Variants in AGA observed in about 807,000 individuals in gnomAD.
AGA encodes the protein aspartylglucosaminidase.
Under a neutral mutation model 40.1 loss-of-function variants are expected in AGA, and 31 were observed. That is an observed-to-expected ratio of 0.77 (90% CI 0.58 to 1.04). The LOEUF is 1.04. AGA is among the 50% of genes least tolerant of loss of function. The pLI is 0.00. For missense variants in AGA, 445 were observed against 435.4 expected (o/e 1.02, Z -0.20); for synonymous variants, 148 against 144.0 (o/e 1.03, Z -0.20).
At chr4:177,436,397 C>G in intron 5 of AGA, 46 bp from the exon 6 acceptor site, 1 of 1,503,544 alleles carries the variant, frequency 6.7e-7, no homozygotes, top group Non-Finnish European at 9.2e-7. Flanking sequence ...TAAAGTTTAC[C>G]TCAAATATAA....
rs963028000 is a variant in AGA, at chr4:177,431,289, G to A, written c.*419C>T. 6 of 444,814 alleles carry A rather than the reference G, an allele frequency of 1.3e-5. No individual in the cohort carries two copies. Among genetic ancestry groups the A allele is most frequent in the Non-Finnish European group, 2.7e-5 (6 of 224,578 alleles). The allele number at this position is 444,814 out of a possible 1,614,324, so 27.6% of individuals were successfully genotyped here. A position where few individuals can be genotyped will look rare whatever the true frequency, so the allele number is the denominator to read the frequency against. ...ACTGTGACATAATGAAATTCAATCA[G>A]GACTGATCATGCTGAGACTCTGCTG... On this transcript the variant is annotated 3_prime_UTR_variant, in exon 9 of 9. Transcript: ENST00000264595.
At chr4:177,435,048 G>A (rs370126798) in intron 6 of AGA, among the ~76,000 whole-genome samples, 22 of 151,114 alleles carry the variant, frequency 1.5e-4, no homozygotes, top group Middle Eastern at 3.4e-3. Context: ...CTACAGACAC[G>A]AACCACCAAG....
At chr4:177,441,323 C>T (rs1737002354) in intron 1 of AGA, among the ~76,000 whole-genome samples, 1 of 152,160 alleles carries the variant, frequency 6.6e-6, no homozygotes, top group African/African-American at 2.4e-5. Context: ...TTCTCTGAAT[C>T]GTATGCACTG....
intron 1 of AGA, among the ~76,000 whole-genome samples, chr4:177,441,221 T>TA (rs1352943729): frequency 6.6e-6 from 1 of 152,160 alleles, no homozygotes; most frequent in Non-Finnish European, 1.5e-5. Flanking sequence ...ACAGGCAACT[T>TA]AAACACAGAA....
chr4:177,437,575 A>G lies in AGA; in HGVS notation c.508-56T>C, dbSNP rs911123063. ...CAAAGGGTATTTTTAGAAATTGCCAAGAAATTATGTACAATCGCTAAACAC... is the reference window on the plus strand; with the variant it reads ...CAAAGGGTATTTTTAGAAATTGCCAGGAAATTATGTACAATCGCTAAACAC... On this transcript the variant is annotated intron_variant, in intron 4 of 8. Transcript: ENST00000264595. 1.0e-5 allele frequency: 13 copies of G among 1,244,780 alleles called. No individual in the cohort carries two copies. In the East Asian group the frequency reaches 2.6e-4, roughly 25 times the overall value. 77.1% of individuals were successfully genotyped at this position (1,244,780 alleles called of 1,614,324 possible).
intron 6 of AGA, among the ~76,000 whole-genome samples, chr4:177,434,788 G>C (rs184511644): frequency 2.6e-5 from 4 of 152,088 alleles, no homozygotes; most frequent in African/African-American, 9.7e-5. Context: ...GGCGAGATGC[G>C]GGTCAAAGGA....
chr4:177,437,366 T>C, intron 5 of AGA, 39 bp downstream of exon 5: 1 of 1,389,636 alleles, frequency 7.2e-7, no homozygotes, highest in Non-Finnish European at 1.0e-6. Flanking sequence ...GATAATTAAC[T>C]AAACTTTATC....
rs1022939662 is a variant in AGA at position 177,431,661 on chromosome 4, CTTTG to C, written c.*43_*46del. On this transcript the variant is annotated 3_prime_UTR_variant, in exon 9 of 9. Transcript: ENST00000264595. The stretch of plus-strand genomic sequence containing the variant: ...GATGAGAGTGAGCAGCCTTTTCAGC[CTTTG>C]TTTCTTTCTTCTTTAAATACAGATG... 2 of 1,503,638 alleles carry C rather than the reference CTTTG, an allele frequency of 1.3e-6. No homozygotes were observed. The highest frequency in any genetic ancestry group is 9.2e-7 in the Non-Finnish European group (1 of 1,082,454). The allele number at this position is 1,503,638 out of a possible 1,614,324, so 93.1% of individuals were successfully genotyped here. A position where few individuals can be genotyped will look rare whatever the true frequency, so the allele number is the denominator to read the frequency against.
At chr4:177,441,492 C>T (rs1737008824) in intron 1 of AGA, among the ~76,000 whole-genome samples, 2 of 152,116 alleles carry the variant, frequency 1.3e-5, no homozygotes, top group Admixed American at 6.6e-5. Flanking sequence ...TACGTAAAGG[C>T]TATTAACAAG....
intron 4 of AGA, among the ~76,000 whole-genome samples, chr4:177,437,859 TAC>T (rs1288721120): frequency 1.3e-5 from 2 of 152,194 alleles, no homozygotes; most frequent in Non-Finnish European, 2.9e-5. Context: ...AGAAATTAGA[TAC>T]ACACTGGACC....
chr4:177,435,186 C>T (rs887646537), intron 6 of AGA, among the ~76,000 whole-genome samples: 3 of 152,112 alleles, frequency 2.0e-5, no homozygotes, highest in African/African-American at 7.2e-5. Flanking sequence ...GCTGGGATTA[C>T]AGGCGTGAGC....
At chr4:177,437,164 A>C (rs1736849476) in intron 5 of AGA, 1 of 472,512 alleles carries the variant, frequency 2.1e-6, no homozygotes. Context: ...CCAAAAAATG[A>C]AATGTCAAAT....
At chr4:177,441,578 T>C (rs781312097) in intron 1 of AGA, among the ~76,000 whole-genome samples, 1 of 152,184 alleles carries the variant, frequency 6.6e-6, no homozygotes, top group African/African-American at 2.4e-5. Context: ...GAAGAGGTGA[T>C]ACCTTAGCTT....
chr4:177,440,389 A>T lies in AGA; in HGVS notation c.165T>A (p.Asp55Glu). The change falls in exon 2 of 9, where the codon GAT (aspartate) becomes GAA (glutamate). Residue 55 changes from aspartate (D) to glutamate (E), a missense_variant. Coordinates refer to ENST00000264595, the MANE Select transcript of AGA (RefSeq NM_000027.4). The part of the protein sequence containing the change: ...RALASGGSAL[D>E]AVESGCAMCE... ...ACATGGCACAGCCGCTCTCCACTGC[A>T]TCCAGGGCAGAGCCTCCAGATGCTA... The T allele has an allele frequency of 6.2e-7, 1 of 1,614,144 alleles. No homozygotes were observed. Among genetic ancestry groups the T allele is most frequent in the Non-Finnish European group, 8.5e-7 (1 of 1,180,042 alleles).
chr4:177,435,530 T>C (rs188962196), intron 6 of AGA, among the ~76,000 whole-genome samples: 36 of 152,326 alleles, frequency 2.4e-4, no homozygotes, highest in African/African-American at 8.7e-4. Flanking sequence ...CCGCTTCCTA[T>C]GTAATGTGCC....
intron 5 of AGA, 126 bp downstream of exon 5, chr4:177,437,279 T>C: frequency 1.3e-6 from 1 of 744,054 alleles, no homozygotes; most frequent in Non-Finnish European, 2.4e-6. Flanking sequence ...GATCTATCTA[T>C]AGAGAGGCAC....
intron 5 of AGA, chr4:177,437,112 A>C (rs1219853806): frequency 8.2e-6 from 3 of 363,762 alleles, no homozygotes; most frequent in Non-Finnish European, 1.5e-5. Flanking sequence ...GTAACTTGGA[A>C]AAAGTTATTT....
chr4:177,437,647 TA>T (rs1482273699), intron 4 of AGA, 128 bp from the exon 5 acceptor site: 2 of 680,342 alleles, frequency 2.9e-6, no homozygotes, highest in East Asian at 5.5e-5. Context: ...AGATAAGAAT[TA>T]AAAGCTAAGA....
intron 2 of AGA, 58 bp downstream of exon 2, chr4:177,440,215 A>G (rs1348356368): frequency 4.4e-6 from 7 of 1,598,480 alleles, no homozygotes; most frequent in Non-Finnish European, 6.0e-6. Context: ...TGCTCTCAGA[A>G]GACCACAACT....
Sources: gnomAD v4.1 joint callset for allele counts (sites outside exome capture counted in the v4.1 genomes callset) on GRCh38, gnomAD v4.1.1 for gene constraint, MANE v1.5 for transcripts, NCBI Gene and HGNC (gene_info 2026-07-23, HGNC 2026-07-21) for gene names.